TET3: variants seen among roughly 807,000 people sequenced by gnomAD.
TET3 encodes the protein methylcytosine dioxygenase TET3.
In TET3, 19 loss-of-function variants were observed where a neutral mutation model predicts 141.4. The ratio of observed to expected loss-of-function variants is 0.13; its 90% CI spans 0.09 to 0.20. The LOEUF (loss-of-function observed/expected upper bound fraction) is 0.20. Ranked by LOEUF, TET3 falls within the 10% of genes least tolerant of loss-of-function variation. The pLI is 1.00. For synonymous variants in TET3, 1,043 were observed against 980.9 expected (o/e 1.06, Z -1.18); for missense variants, 1,874 against 2,356.9 (o/e 0.80, Z 4.24).
At chr2:74,089,797 G>A in intron 7 of TET3, 100 bp from the exon 8 acceptor site, 1 of 1,467,044 alleles carries the variant, frequency 6.8e-7, no homozygotes, top group Non-Finnish European at 9.3e-7. Context: ...GGAGGCTGGT[G>A]GGTGCCAGGG....
In TET3 at chr2:74,107,849, T is replaced by C. The variant is rs1206863441; in HGVS notation, c.*5673T>C. ...AGATTTTTGCAATGTCTCAAGGCAA[T>C]AGGATGTGTATTAAACTGTAGATAT... On this transcript the variant is annotated 3_prime_UTR_variant, in exon 12 of 12. Coordinates refer to ENST00000409262, the MANE Select transcript of TET3 (RefSeq NM_001287491.2). 3 of 152,404 alleles carry C rather than the reference T, an allele frequency of 2.0e-5. No individual in the cohort carries two copies. The highest frequency in any genetic ancestry group is 3.9e-4 in the East Asian group (2 of 5,184). 9.4% of individuals were successfully genotyped at this position (152,404 alleles called of 1,614,324 possible).
At chr2:74,075,233 T>C (rs996613058) in intron 5 of TET3, among the ~76,000 whole-genome samples, 1 of 151,490 alleles carries the variant, frequency 6.6e-6, no homozygotes, top group Non-Finnish European at 1.5e-5. Context: ...TGCCCATACA[T>C]ATACATACAG....
At chr2:74,050,878 A>AT (rs1491541149) in intron 4 of TET3, among the ~76,000 whole-genome samples, 1 of 139,294 alleles carries the variant, frequency 7.2e-6, no homozygotes, top group Non-Finnish European at 1.7e-5. Context: ...AAAAAAAAAA[A>AT]CAACAATAAA....
At chr2:74,132,997 G>A in the TET3 span, among the ~76,000 whole-genome samples, 120 of 151,688 alleles carry the variant, frequency 7.9e-4, 1 homozygote, top group East Asian at 0.013. Flanking sequence ...TCCCAGGTTC[G>A]AGAGATTCTC....
chr2:74,024,979 T>G (rs1224175478), intron 3 of TET3, among the ~76,000 whole-genome samples: 9 of 151,946 alleles, frequency 5.9e-5, no homozygotes, highest in Admixed American at 5.9e-4. Context: ...ATCCCAGCAC[T>G]TTGGGAGGCC....
At chr2:74,095,319 G>A (rs1040348033) in intron 10 of TET3, among the ~76,000 whole-genome samples, 7 of 152,172 alleles carry the variant, frequency 4.6e-5, no homozygotes, top group Non-Finnish European at 1.0e-4. Context: ...CACAGAAAGG[G>A]CATGCCCACA....
chr2:73,995,070 C>T (rs547034845), intron 2 of TET3, among the ~76,000 whole-genome samples: 1 of 152,348 alleles, frequency 6.6e-6, no homozygotes, highest in East Asian at 1.9e-4. Context: ...AGTGATTCTC[C>T]TGCCTCAGCC....
intron 10 of TET3, among the ~76,000 whole-genome samples, chr2:74,094,526 C>T (rs896083129): frequency 6.6e-6 from 1 of 152,134 alleles, no homozygotes; most frequent in South Asian, 2.1e-4. Context: ...AGACGCACTC[C>T]TGCTGCTGCA....
In TET3 at chr2:74,061,790, C is replaced by G. The variant is rs13410343; in HGVS notation, c.2495-11759C>G. On this transcript the variant is annotated intron_variant, in intron 4 of 11. Coordinates refer to ENST00000409262, the MANE Select transcript of TET3 (RefSeq NM_001287491.2). Reference sequence around the variant, plus strand: ...CTCACCTCCCAGACGGGGTCGCGGCCGGGTAGAGGCGCTCCTCACATCTCA... The same window carrying G: ...CTCACCTCCCAGACGGGGTCGCGGCGGGGTAGAGGCGCTCCTCACATCTCA... Among the ~76,000 whole-genome samples the G allele has an allele frequency of 4.4e-5, 5 of 112,636 alleles. No homozygotes were observed. In the South Asian group the frequency reaches 1.0e-3, roughly 23 times the overall value. 73.9% of individuals were successfully genotyped at this position (112,636 alleles called of 152,430 possible). A position where few individuals can be genotyped will look rare whatever the true frequency, so the allele number is the denominator to read the frequency against.
downstream of TET3, among the ~76,000 whole-genome samples, chr2:74,112,385 A>T (rs1046237377): frequency 2.0e-5 from 3 of 152,182 alleles, no homozygotes; most frequent in African/African-American, 7.2e-5. Flanking sequence ...TATCTGTAAG[A>T]AACTAACTCC....
intron 4 of TET3, among the ~76,000 whole-genome samples, chr2:74,063,483 T>C (rs1688707284): frequency 6.6e-6 from 1 of 152,320 alleles, no homozygotes; most frequent in East Asian, 1.9e-4. Context: ...ACTGATGATA[T>C]TCTAATTCTG....
Position 74,101,244 on chromosome 2 carries a change from A to G in TET3, c.4456A>G (p.Thr1486Ala), listed in dbSNP as rs746826523. The change falls in exon 12 of 12, where the codon ACA (threonine) becomes GCA (alanine). Residue 1486 changes from threonine (T) to alanine (A), a missense_variant. Thr to Ala is a moderately conservative substitution (Grantham distance 58). Around this residue, in one of 10 missense-constraint regions of TET3, gnomAD observed 602 missense variants for 590.2 expected, o/e 1.02. Coordinates refer to ENST00000409262, the MANE Select transcript of TET3 (RefSeq NM_001287491.2). This position sits in a 1 kb window ranked among gnomAD's most constrained non-coding sequence, Gnocchi z 8.5. The part of the protein sequence containing the change: ...GASCLAPSHF[T>A]DGQWGLFPGE... ...CAGCTGCCTGGCCCCTTCCCACTTC[A>G]CAGATGGCCAGTGGGGGCTGTTCCC... The G allele has an allele frequency of 1.2e-6, 2 of 1,612,436 alleles. No homozygotes were observed. Among genetic ancestry groups the G allele is most frequent in the East Asian group, 2.2e-5 (1 of 44,826 alleles).
rs759401050 is a variant in TET3, at chr2:74,073,607, G to A, written c.2553G>A (p.Thr851=). ...PYYTHLGSGP[T]VASIRELMEE... ...ATACTCACTTGGGATCTGGCCCCAC[G>A]GTCGCCTCTATCCGGGAACTCATGG... The change falls in exon 5 of 12, where the codon ACG becomes ACA. Residue 851 remains threonine, a synonymous_variant. Transcript: ENST00000409262. 13 of 1,612,010 alleles carry A rather than the reference G, an allele frequency of 8.1e-6. No individual in the cohort carries two copies. Among genetic ancestry groups the A allele is most frequent in the South Asian group, 2.2e-5 (2 of 90,370 alleles).
chr2:74,009,210 G>A (rs2105181360), intron 3 of TET3, among the ~76,000 whole-genome samples: 1 of 152,322 alleles, frequency 6.6e-6, no homozygotes, highest in African/African-American at 2.4e-5. Context: ...TGTACCTCGG[G>A]GAGGTGCCAT....
chr2:74,074,194 A>G lies in TET3; in HGVS notation c.2585+555A>G, dbSNP rs571950247. Among the ~76,000 whole-genome samples, 4 of 152,280 alleles carry G rather than the reference A, an allele frequency of 2.6e-5. No homozygotes were observed. In the South Asian group the frequency reaches 6.2e-4, roughly 24 times the overall value. On this transcript the variant is annotated intron_variant, in intron 5 of 11. Coordinates refer to ENST00000409262, the MANE Select transcript of TET3 (RefSeq NM_001287491.2). Reference sequence around the variant, plus strand: ...TGTTTCATAGCTTTCTTGATTTCTCATATGACAAGATATCCTGGGTTCACA... The same window carrying G: ...TGTTTCATAGCTTTCTTGATTTCTCGTATGACAAGATATCCTGGGTTCACA...
chr2:74,016,887 A>C (rs1472099721), intron 3 of TET3, among the ~76,000 whole-genome samples: 2 of 151,760 alleles, frequency 1.3e-5, no homozygotes, highest in Non-Finnish European at 2.9e-5. Flanking sequence ...ATAATGTATA[A>C]TCATTAAATC....
intron 2 of TET3, among the ~76,000 whole-genome samples, chr2:73,997,462 C>T (rs1684651813): frequency 6.6e-6 from 1 of 152,150 alleles, no homozygotes; most frequent in African/African-American, 2.4e-5. Context: ...TGGGTCCTGC[C>T]TGTACTATGT....
chr2:74,091,819 G>A (rs1229885850), intron 8 of TET3, among the ~76,000 whole-genome samples: 1 of 152,266 alleles, frequency 6.6e-6, no homozygotes, highest in African/African-American at 2.4e-5. Context: ...GGGCCAGACA[G>A]AGGCTGTGGA....
intron 3 of TET3, among the ~76,000 whole-genome samples, chr2:74,011,540 CT>C (rs2105194457): frequency 6.6e-6 from 1 of 152,334 alleles, no homozygotes; most frequent in African/African-American, 2.4e-5. Context: ...TGGGTTCCCC[CT>C]GTGATAGGGC....
Sources: gnomAD v4.1 joint callset for allele counts (sites outside exome capture counted in the v4.1 genomes callset) on GRCh38, gnomAD v4.1.1 for gene constraint, gnomAD v4.1.1 regional missense constraint, Gnocchi (gnomAD v3.1) non-coding constraint, MANE v1.5 for transcripts, NCBI Gene and HGNC (gene_info 2026-07-23, HGNC 2026-07-21) for gene names.